The following IRAK1BP1 variants were observed in gnomAD, a reference collection of about 807,000 sequenced individuals.
IRAK1BP1 encodes the protein interleukin 1 receptor associated kinase 1 binding protein 1.
IRAK1BP1 carries 24 observed loss-of-function variants against 28.0 expected under a neutral mutation model. The ratio of observed to expected loss-of-function variants is 0.86; its 90% CI spans 0.62 to 1.20. The LOEUF is 1.20. Among genes scored for constraint, IRAK1BP1 ranks in the 50% most tolerant of loss-of-function variants. The pLI is 0.00. For missense variants in IRAK1BP1, 336 were observed against 316.7 expected (o/e 1.06, Z -0.46); for synonymous variants, 131 against 116.3 (o/e 1.13, Z -0.81).
intron 1 of IRAK1BP1, among the ~76,000 whole-genome samples, chr6:78,874,495 T>G (rs1426686060): frequency 1.3e-5 from 2 of 152,226 alleles, no homozygotes; most frequent in East Asian, 3.8e-4. Context: ...TGATCCTTGT[T>G]ACGGTCCTGT....
intron 4 of IRAK1BP1, among the ~76,000 whole-genome samples, chr6:78,911,701 A>AT (rs757098565): frequency 2.6e-5 from 4 of 152,158 alleles, no homozygotes; most frequent in Admixed American, 1.3e-4. Flanking sequence ...ATCTCACTTC[A>AT]TTCCCAGCAA....
chr6:78,909,224 G>A (rs1772341341), intron 4 of IRAK1BP1, among the ~76,000 whole-genome samples: 1 of 152,148 alleles, frequency 6.6e-6, no homozygotes, highest in South Asian at 2.1e-4. Flanking sequence ...CTCCACTTAT[G>A]GCAGGAATAT....
At chr6:78,927,774 C>T (rs888266368) in intron 4 of IRAK1BP1, among the ~76,000 whole-genome samples, 4 of 152,072 alleles carry the variant, frequency 2.6e-5, no homozygotes, top group Admixed American at 2.6e-4. Flanking sequence ...TTCCAGGCAC[C>T]ATTTACTGAA....
At chr6:78,972,343 A>C in the IRAK1BP1 span, among the ~76,000 whole-genome samples, 1 of 152,208 alleles carries the variant, frequency 6.6e-6, no homozygotes, top group East Asian at 1.9e-4. Flanking sequence ...AAAACTAACA[A>C]ACAGAAAGGA....
chr6:78,879,469 AAG>A (rs1023046971), intron 1 of IRAK1BP1, among the ~76,000 whole-genome samples: 17 of 152,300 alleles, frequency 1.1e-4, no homozygotes, highest in Admixed American at 9.2e-4. Context: ...TCGATAAAGA[AAG>A]GAGTCTTTTC....
intron 4 of IRAK1BP1, among the ~76,000 whole-genome samples, chr6:78,915,958 T>G (rs1470100542): frequency 6.6e-6 from 1 of 152,142 alleles, no homozygotes; most frequent in Non-Finnish European, 1.5e-5. Flanking sequence ...GAACAAAGAA[T>G]TGGACAAAAT....
chr6:78,970,505 C>A, the IRAK1BP1 span, among the ~76,000 whole-genome samples: 1 of 152,116 alleles, frequency 6.6e-6, no homozygotes, highest in South Asian at 2.1e-4. Flanking sequence ...ATCAAATTTA[C>A]GAATACAAAG....
chr6:78,936,338 T>A (rs1485736179), intron 4 of IRAK1BP1: 1 of 151,948 alleles, frequency 6.6e-6, no homozygotes, highest in Non-Finnish European at 1.5e-5. Context: ...TGACAGGATT[T>A]AAGTTTTCTA....
chr6:78,912,267 A>AG (rs1417284349), intron 4 of IRAK1BP1, among the ~76,000 whole-genome samples: 20 of 152,132 alleles, frequency 1.3e-4, no homozygotes, highest in African/African-American at 4.3e-4. Context: ...TAGAGAGCAA[A>AG]GAGGGACAAG....
intron 1 of IRAK1BP1, among the ~76,000 whole-genome samples, chr6:78,874,962 T>C (rs1326914562): frequency 1.3e-5 from 2 of 151,934 alleles, no homozygotes; most frequent in Admixed American, 6.6e-5. Flanking sequence ...AGAAACACTA[T>C]AGAATGGGAG....
chr6:78,903,219 A>G, downstream of IRAK1BP1: 2 of 591,146 alleles, frequency 3.4e-6, no homozygotes, highest in South Asian at 5.3e-5. Flanking sequence ...ATGGTGGCTC[A>G]CATGTGTAAT....
chr6:78,975,402 C>T, the IRAK1BP1 span, among the ~76,000 whole-genome samples: 2 of 152,144 alleles, frequency 1.3e-5, no homozygotes, highest in African/African-American at 2.4e-5. Context: ...CTATGACAAA[C>T]CCACAGCCAA....
intron 4 of IRAK1BP1, chr6:78,945,218 T>G: frequency 9.7e-7 from 1 of 1,031,326 alleles, no homozygotes; most frequent in South Asian, 1.4e-5. Flanking sequence ...ACCTGAAAAG[T>G]GGATATAAAT....
In IRAK1BP1 at chr6:78,923,887, C is replaced by T. The variant is rs138112489; in HGVS notation, c.*67+20777C>T. Among the ~76,000 whole-genome samples the T allele has an allele frequency of 4.8e-3, 736 of 152,236 alleles. 6 individuals are homozygous for T. Among genetic ancestry groups the T allele is most frequent in the African/African-American group, 0.016 (676 of 41,560 alleles). ...GAAACCAACGAGAACAAAGAGACAACGTACCAGAATCTCTGGGGCACATTC... is the reference window on the plus strand; with the variant it reads ...GAAACCAACGAGAACAAAGAGACAATGTACCAGAATCTCTGGGGCACATTC... On this transcript the variant is annotated intron_variant and NMD_transcript_variant, in intron 4 of 4. Coordinates refer to the IRAK1BP1 transcript ENST00000606868.
At chr6:78,905,671 G>C (rs1351214630), downstream of IRAK1BP1, among the ~76,000 whole-genome samples, 1 of 151,994 alleles carries the variant, frequency 6.6e-6, no homozygotes, top group Non-Finnish European at 1.5e-5. Flanking sequence ...GTGCGATCTC[G>C]GCTCACTGCA....
At chr6:78,887,281 AG>A (rs1771461547) in intron 2 of IRAK1BP1, among the ~76,000 whole-genome samples, 1 of 152,214 alleles carries the variant, frequency 6.6e-6, no homozygotes, top group Non-Finnish European at 1.5e-5. Context: ...GTATAGAAAA[AG>A]GTGTTCAGCA....
Position 78,867,905 on chromosome 6 carries a change from G to C in IRAK1BP1, c.315+14G>C, listed in dbSNP as rs760638127. ...CAGGGCGTGCAGGTGAGATCTCCGC[G>C]GGGGAGGAAATAAGAGCCGGAAGAC... On this transcript the variant is annotated intron_variant, in intron 1 of 3. Transcript: ENST00000369940. The C allele has an allele frequency of 6.4e-7, 1 of 1,554,856 alleles. No homozygotes were observed. The highest frequency in any genetic ancestry group is 8.7e-7 in the Non-Finnish European group (1 of 1,149,176).
At chr6:78,891,083 C>A (rs1218051796) in intron 2 of IRAK1BP1, among the ~76,000 whole-genome samples, 1 of 152,104 alleles carries the variant, frequency 6.6e-6, no homozygotes, top group East Asian at 1.9e-4. Flanking sequence ...AATAAAGGAA[C>A]TCATAGATTA....
rs1770666675 is a variant in IRAK1BP1 at position 78,868,381 on chromosome 6, A to G, written c.315+490A>G. ...TCTTGAGTATGTTCCGCAAACAGTAACGTTGGGAAGTGGGGAAGAAGTTGC... is the reference window on the plus strand; with the variant it reads ...TCTTGAGTATGTTCCGCAAACAGTAGCGTTGGGAAGTGGGGAAGAAGTTGC... On this transcript the variant is annotated intron_variant, in intron 1 of 3. Transcript: ENST00000369940. 2.0e-5 allele frequency among the ~76,000 whole-genome samples: 3 copies of G among 152,218 alleles called. No individual in the cohort carries two copies. In the South Asian group the frequency reaches 6.2e-4, roughly 32 times the overall value.
Sources: gnomAD v4.1 joint callset for allele counts (sites outside exome capture counted in the v4.1 genomes callset) on GRCh38, gnomAD v4.1.1 for gene constraint, MANE v1.5 for transcripts, NCBI Gene and HGNC (gene_info 2026-07-23, HGNC 2026-07-21) for gene names.